The following CCDC91 variants were observed in gnomAD, a reference collection of about 807,000 sequenced individuals.
CCDC91 encodes the protein coiled-coil domain containing 91.
Under a neutral mutation model 63.2 loss-of-function variants are expected in CCDC91, and 48 were observed. The observed-to-expected ratio is 0.76, with a 90% confidence interval of 0.60 to 0.97. CCDC91 has a LOEUF of 0.97. CCDC91 is among the 50% of genes least tolerant of loss of function. The pLI is 0.00. For synonymous variants in CCDC91, 167 were observed against 165.8 expected, an observed-to-expected ratio of 1.01 and a Z score of -0.06; for missense variants, 500 against 494.6, an observed-to-expected ratio of 1.01 and a Z score of -0.10.
intron 6 of CCDC91, among the ~76,000 whole-genome samples, chr12:28,314,032 C>A (rs1359490650): frequency 6.6e-6 from 1 of 152,006 alleles, no homozygotes; most frequent in Non-Finnish European, 1.5e-5. Flanking sequence ...AAATTATTAT[C>A]TTTGATAGTC....
At position 28,549,470 on chromosome 12, in the gene CCDC91, T is replaced by C. The variant is rs555522771; in HGVS notation, c.*297T>C. 5.2e-6 allele frequency: 1 copy of C among 193,996 alleles called. No homozygotes were observed. The highest frequency in any genetic ancestry group is 1.3e-4 in the South Asian group (1 of 7,900). 12.0% of individuals were successfully genotyped at this position (193,996 alleles called of 1,614,324 possible). ...TTACCAAAATTAATTAAGTAAACTT[T>C]ATAGCCTGTGGGAGTCTATTATATA... On this transcript the variant is annotated 3_prime_UTR_variant, in exon 13 of 13. Coordinates refer to ENST00000536442, the MANE Select transcript of CCDC91 (RefSeq NM_018318.5).
At chr12:28,344,334 T>C (rs1942654062) in intron 6 of CCDC91, among the ~76,000 whole-genome samples, 2 of 152,152 alleles carry the variant, frequency 1.3e-5, no homozygotes, top group South Asian at 2.1e-4. Context: ...TGTTTACTTT[T>C]CATCATCATT....
chr12:28,235,403 G>T (rs1944878922), intron 1 of CCDC91, among the ~76,000 whole-genome samples: 1 of 152,008 alleles, frequency 6.6e-6, no homozygotes, highest in Non-Finnish European at 1.5e-5. Flanking sequence ...AAAGACTATG[G>T]AGGAACACAT....
At chr12:28,540,331 A>G (rs1008885096) in intron 12 of CCDC91, among the ~76,000 whole-genome samples, 4 of 152,130 alleles carry the variant, frequency 2.6e-5, no homozygotes, top group Non-Finnish European at 4.4e-5. Flanking sequence ...GTATATTGCT[A>G]TAAAGAAATC....
chr12:28,305,758 T>C lies in CCDC91; in HGVS notation c.219T>C (p.Asn73=). 1 of 1,613,124 alleles carries C rather than the reference T, an allele frequency of 6.2e-7. No homozygotes were observed. The highest frequency in any genetic ancestry group is 8.5e-7 in the Non-Finnish European group (1 of 1,179,342). ...SSDAIISSPE[N]THAANSIVSQ... is the part of the protein sequence containing the mutation. ...ATGCCATTATTTCATCACCAGAGAATACACATGCAGCAAATAGCATTGTGA... is the reference window on the plus strand; with the variant it reads ...ATGCCATTATTTCATCACCAGAGAACACACATGCAGCAAATAGCATTGTGA... Residue 73 remains asparagine (N), a synonymous_variant, in exon 4 of 13, where the codon AAT becomes AAC. Transcript: ENST00000536442.
At chr12:28,412,830 A>G (rs1947401687) in intron 8 of CCDC91, 3 of 451,092 alleles carry the variant, frequency 6.7e-6, no homozygotes. Context: ...CAGAGTGCTG[A>G]TTGGTGTATT....
At chr12:28,456,170 T>C (rs745485161) in intron 11 of CCDC91, among the ~76,000 whole-genome samples, 5 of 152,172 alleles carry the variant, frequency 3.3e-5, no homozygotes, top group Non-Finnish European at 7.4e-5. Context: ...GTAACATTTA[T>C]GGCGCCTCTG....
At chr12:28,243,902 A>G (rs1445643375) in intron 1 of CCDC91, among the ~76,000 whole-genome samples, 1 of 152,196 alleles carries the variant, frequency 6.6e-6, no homozygotes, top group Non-Finnish European at 1.5e-5. Context: ...ACAGAGGATA[A>G]TTCCCCAGCA....
At chr12:28,528,103 A>G (rs944319028) in intron 12 of CCDC91, among the ~76,000 whole-genome samples, 1 of 152,156 alleles carries the variant, frequency 6.6e-6, no homozygotes, top group African/African-American at 2.4e-5. Context: ...TGCCCTCTTC[A>G]GAGTTCTGGC....
intron 3 of CCDC91, among the ~76,000 whole-genome samples, chr12:28,298,726 G>T (rs1305716228): frequency 1.5e-5 from 2 of 130,162 alleles, no homozygotes; most frequent in African/African-American, 2.6e-5. Context: ...CCTTGATTTT[G>T]TAAAAAAAAA....
Position 28,289,167 on chromosome 12 carries a change from T to G in CCDC91, c.110-16482T>G, listed in dbSNP as rs74461497. ...GTTGATCTTTTGAATTTTTTTTTTT[T>G]GTCCCAGTCTCCTTGAGTTCAGCTC... is the stretch of plus-strand genomic sequence containing the variant. On this transcript the variant is annotated intron_variant, in intron 3 of 12. Transcript: ENST00000536442. Among the ~76,000 whole-genome samples the G allele has an allele frequency of 2.0e-5, 3 of 152,120 alleles. No individual in the cohort carries two copies. In the East Asian group the frequency reaches 5.8e-4, roughly 29 times the overall value.
chr12:28,526,928 A>G (rs777887242), intron 12 of CCDC91, among the ~76,000 whole-genome samples: 4 of 151,892 alleles, frequency 2.6e-5, no homozygotes, highest in African/African-American at 9.7e-5. Context: ...TTGTATTTCT[A>G]TAAGTGTGTC....
intron 12 of CCDC91, among the ~76,000 whole-genome samples, chr12:28,527,913 C>T (rs574061826): frequency 3.3e-5 from 5 of 152,216 alleles, no homozygotes; most frequent in Admixed American, 1.3e-4. Flanking sequence ...ACTCAGCTCC[C>T]GTCTAACCCA....
intron 3 of CCDC91, among the ~76,000 whole-genome samples, chr12:28,295,539 A>G (rs933400966): frequency 1.3e-5 from 2 of 151,966 alleles, no homozygotes; most frequent in African/African-American, 4.8e-5. Context: ...TTTATTTTTT[A>G]TTATTTTAAT....
intron 6 of CCDC91, among the ~76,000 whole-genome samples, chr12:28,361,676 C>A (rs1943897086): frequency 1.3e-5 from 2 of 151,770 alleles, no homozygotes; most frequent in South Asian, 4.2e-4. Flanking sequence ...TTTCATAGAT[C>A]TAGAATTTCT....
intron 8 of CCDC91, among the ~76,000 whole-genome samples, chr12:28,427,960 G>A (rs1948417352): frequency 1.3e-5 from 2 of 152,114 alleles, no homozygotes; most frequent in South Asian, 4.1e-4. Context: ...GACCAGTAAA[G>A]GCATAAAGTA....
At chr12:28,491,480 G>C (rs1951999740) in intron 12 of CCDC91, among the ~76,000 whole-genome samples, 1 of 151,724 alleles carries the variant, frequency 6.6e-6, no homozygotes, top group African/African-American at 2.4e-5. Flanking sequence ...ACATGACAGT[G>C]CTTGAATAAA....
chr12:28,421,526 A>G (rs764453051), intron 8 of CCDC91, among the ~76,000 whole-genome samples: 3 of 150,860 alleles, frequency 2.0e-5, no homozygotes, highest in Non-Finnish European at 4.4e-5. Flanking sequence ...ATGCTGCAGC[A>G]AAGGATGTGA....
chr12:28,266,489 TG>T (rs1175313259), intron 3 of CCDC91, among the ~76,000 whole-genome samples: 4 of 152,028 alleles, frequency 2.6e-5, no homozygotes, highest in Non-Finnish European at 5.9e-5. Flanking sequence ...TTTAACTGTG[TG>T]GTATAACTGA....
Sources: gnomAD v4.1 joint callset for allele counts (sites outside exome capture counted in the v4.1 genomes callset) on GRCh38, gnomAD v4.1.1 for gene constraint, MANE v1.5 for transcripts, NCBI Gene and HGNC (gene_info 2026-07-23, HGNC 2026-07-21) for gene names.